NHS: variants seen among roughly 807,000 people sequenced by gnomAD.
NHS encodes NHS actin remodeling regulator, also known as actin remodeling regulator NHS.
A neutral mutation model predicts 72.5 loss-of-function variants in NHS; 5 were observed. The observed-to-expected ratio is 0.07, with a 90% CI of 0.04 to 0.14. The LOEUF (loss-of-function observed/expected upper bound fraction) is 0.14, where lower values mean the gene tolerates loss of function less well. Among genes scored for constraint, NHS ranks in the 10% least tolerant of loss-of-function variants. NHS has a pLI of 1.00. For synonymous variants in NHS, 464 were observed against 547.7 expected (o/e 0.85, Z 2.13); for missense variants, 1,072 against 1,355.7 (o/e 0.79, Z 3.29).
chrX:17,485,979 A>G (rs1007220326), intron 1 of NHS, among the ~76,000 whole-genome samples: 14 of 111,458 alleles, frequency 1.3e-4, no homozygotes, highest in Non-Finnish European at 3.8e-5. Flanking sequence ...CCTAGCTGGG[A>G]CTAATATATC....
chrX:17,375,857 C>T lies in NHS; in HGVS notation c.100C>T (p.Pro34Ser). The T allele has an allele frequency of 8.9e-7, 1 of 1,118,773 alleles. No homozygotes were observed. The highest frequency in any genetic ancestry group is 1.2e-6 in the Non-Finnish European group (1 of 857,833). 92.2% of individuals were successfully genotyped at this position (1,118,773 alleles called of 1,213,427 possible). A position where few individuals can be genotyped will look rare whatever the true frequency, so the allele number is the denominator to read the frequency against. Residue 34 changes from proline (P) to serine (S), a missense_variant, in exon 1 of 9, where the codon CCG becomes TCG. Pro to Ser is a moderately conservative substitution (Grantham distance 74, BLOSUM62 -1). Coordinates refer to ENST00000676302, the MANE Select transcript of NHS (RefSeq NM_001291867.2). ...AVDASGGSAE[P>S]PPPLQPPGRR... is the part of the protein sequence containing the mutation. ...GGACGCGAGCGGAGGCAGCGCTGAG[C>T]CGCCGCCGCCCTTGCAGCCGCCGGG... is the stretch of plus-strand genomic sequence containing the variant.
chrX:17,559,129 G>GTTTTCT (rs1204159447), intron 1 of NHS, among the ~76,000 whole-genome samples: 1 of 112,066 alleles, frequency 8.9e-6, no homozygotes, highest in Admixed American at 9.4e-5. Flanking sequence ...GTGGCTCCCT[G>GTTTTCT]AGAGGGCTGT....
At chrX:17,649,810 G>T (rs2065922432) in intron 1 of NHS, among the ~76,000 whole-genome samples, 1 of 111,648 alleles carries the variant, frequency 9.0e-6, no homozygotes, top group African/African-American at 3.3e-5. Flanking sequence ...AAATATATAT[G>T]AATAAACACA....
At chrX:17,524,464 C>T (rs1194213435) in intron 1 of NHS, among the ~76,000 whole-genome samples, 2 of 112,374 alleles carry the variant, frequency 1.8e-5, no homozygotes, top group Non-Finnish European at 3.8e-5. Context: ...TCCTGGATCC[C>T]ACATTGCATT....
At chrX:17,397,014 C>T (rs2064478815) in intron 1 of NHS, among the ~76,000 whole-genome samples, 1 of 112,193 alleles carries the variant, frequency 8.9e-6, no homozygotes, top group African/African-American at 3.2e-5. Context: ...TCTTGGCTTA[C>T]AGTACTGTTG....
intron 1 of NHS, among the ~76,000 whole-genome samples, chrX:17,593,222 T>C (rs1490709922): frequency 9.0e-6 from 1 of 111,622 alleles, no homozygotes; most frequent in Non-Finnish European, 1.9e-5. Flanking sequence ...TCCCCTCCGC[T>C]ATAAAATGAG....
intron 1 of NHS, among the ~76,000 whole-genome samples, chrX:17,641,120 A>T (rs2065878792): frequency 9.1e-6 from 1 of 110,384 alleles, no homozygotes; most frequent in Non-Finnish European, 1.9e-5. Context: ...TTTTTATTTT[A>T]TTTTATTTTA....
intron 1 of NHS, among the ~76,000 whole-genome samples, chrX:17,545,378 G>A (rs962815781): frequency 9.8e-5 from 11 of 112,084 alleles, no homozygotes; most frequent in African/African-American, 2.6e-4. Context: ...CTGGTCGTTC[G>A]GAAACCAGGC....
intron 1 of NHS, among the ~76,000 whole-genome samples, chrX:17,615,225 C>CGTATATATACGTATATATACGTATATAT (rs1569294224): frequency 5.5e-5 from 5 of 91,344 alleles, no homozygotes; most frequent in African/African-American, 1.9e-4. Flanking sequence ...CGTATATATA[C>CGTATATATACGTATATATACGTATATAT]ACATATATAT....
At chrX:17,480,170 G>C (rs2146909404) in intron 1 of NHS, among the ~76,000 whole-genome samples, 1 of 111,859 alleles carries the variant, frequency 8.9e-6, no homozygotes, top group East Asian at 2.8e-4. Context: ...CTCATGGATA[G>C]GAAGAATCAA....
intron 1 of NHS, among the ~76,000 whole-genome samples, chrX:17,523,610 A>G (rs1442282242): frequency 9.0e-6 from 1 of 111,686 alleles, no homozygotes; most frequent in Non-Finnish European, 1.9e-5. Flanking sequence ...ACCTCAATGG[A>G]TCTCTACACA....
chrX:17,562,596 G>A (rs1176701639), intron 1 of NHS, among the ~76,000 whole-genome samples: 1 of 111,457 alleles, frequency 9.0e-6, no homozygotes, highest in Non-Finnish European at 1.9e-5. Flanking sequence ...GGGTGGGTAT[G>A]TAGATTGTTG....
Position 17,728,778 on chromosome X carries a change from G to A in NHS, c.4349+3G>A. ...GATTTATTTGCAGTCATTCACAGGT[G>A]AGGCAACATTACCAAGTCCCCCAAA... On this transcript the variant is annotated splice_donor_region_variant and intron_variant, in intron 8 of 8. Coordinates refer to ENST00000676302, the MANE Select transcript of NHS (RefSeq NM_001291867.2). The A allele has an allele frequency of 3.3e-6, 4 of 1,211,467 alleles. No homozygotes were observed. Among genetic ancestry groups the A allele is most frequent in the Non-Finnish European group, 4.5e-6 (4 of 895,295 alleles).
chrX:17,454,284 G>A (rs949066815), intron 1 of NHS, among the ~76,000 whole-genome samples: 2 of 111,720 alleles, frequency 1.8e-5, no homozygotes, highest in Non-Finnish European at 3.8e-5. Context: ...TGGGATGAAG[G>A]AATAAACTCA....
intron 1 of NHS, among the ~76,000 whole-genome samples, chrX:17,579,325 A>C (rs907255293): frequency 9.0e-6 from 1 of 111,698 alleles, no homozygotes; most frequent in African/African-American, 3.3e-5. Context: ...AGAGTGCTTT[A>C]TTTTAGTGTG....
intron 1 of NHS, among the ~76,000 whole-genome samples, chrX:17,414,514 C>G (rs1207127493): frequency 8.9e-6 from 1 of 112,122 alleles, no homozygotes; most frequent in Non-Finnish European, 1.9e-5. Context: ...CCTCCCCCGT[C>G]TCCGCGCCAG....
intron 1 of NHS, among the ~76,000 whole-genome samples, chrX:17,674,686 C>G (rs2066069316): frequency 8.9e-6 from 1 of 111,858 alleles, no homozygotes; most frequent in African/African-American, 3.3e-5. Flanking sequence ...TCAAAAAGGG[C>G]TAGTTCATAT....
At chrX:17,669,548 C>A (rs992680520) in intron 1 of NHS, among the ~76,000 whole-genome samples, 1 of 112,023 alleles carries the variant, frequency 8.9e-6, no homozygotes, top group Admixed American at 9.5e-5. Context: ...GAAACAACAA[C>A]AACAACAAGA....
intron 1 of NHS, among the ~76,000 whole-genome samples, chrX:17,674,198 C>T (rs992727712): frequency 2.7e-5 from 3 of 111,443 alleles, no homozygotes; most frequent in African/African-American, 9.8e-5. Flanking sequence ...CAGCCAGCAC[C>T]GGGGCCCAAG....
Sources: allele counts gnomAD v4.1 joint callset (sites outside exome capture counted in the v4.1 genomes callset), GRCh38; gene constraint gnomAD v4.1.1; transcripts MANE v1.5; gene names NCBI Gene and HGNC (gene_info 2026-07-23, HGNC 2026-07-21).